Variants in GPATCH8 observed in about 807,000 individuals in gnomAD.
GPATCH8 encodes G patch domain-containing protein 8.
Under a neutral mutation model 118.3 loss-of-function variants are expected in GPATCH8, and 18 were observed. The ratio of observed to expected loss-of-function variants is 0.15; its 90% CI spans 0.11 to 0.23. The LOEUF (loss-of-function observed/expected upper bound fraction) is 0.23, where lower values mean the gene tolerates loss of function less well. Among genes scored for constraint, GPATCH8 ranks in the 10% least tolerant of loss-of-function variants. The pLI, the probability that GPATCH8 is intolerant of heterozygous loss-of-function variation, is 1.00. For missense variants in GPATCH8, 1,631 were observed against 1,873.8 expected (o/e 0.87, Z 2.39); for synonymous variants, 659 against 684.7 (o/e 0.96, Z 0.59).
At chr17:44,472,346 C>T (rs1475360489) in intron 2 of GPATCH8, among the ~76,000 whole-genome samples, 2 of 152,108 alleles carry the variant, frequency 1.3e-5, no homozygotes, top group Non-Finnish European at 2.9e-5. Context: ...ATACTGTTCT[C>T]GCTATATGTG....
chr17:44,472,581 T>C (rs1395515714), intron 2 of GPATCH8, among the ~76,000 whole-genome samples: 2 of 152,228 alleles, frequency 1.3e-5, no homozygotes, highest in African/African-American at 4.8e-5. Flanking sequence ...CACAGAATTA[T>C]AGCTTGTGTA....
At chr17:44,483,176 A>AAAAATATATATATAT (rs1555646771) in intron 1 of GPATCH8, among the ~76,000 whole-genome samples, 1 of 12,950 alleles carries the variant, frequency 7.7e-5, no homozygotes, top group Non-Finnish European at 1.4e-4. Flanking sequence ...AAAAAAAAAA[A>AAAAATATATATATAT]ATATATATAT....
At chr17:44,500,476 C>G (rs1372256856) in intron 1 of GPATCH8, among the ~76,000 whole-genome samples, 1 of 152,228 alleles carries the variant, frequency 6.6e-6, no homozygotes, top group Non-Finnish European at 1.5e-5. Flanking sequence ...TGGCATACCA[C>G]TGTTAACTAT....
At chr17:44,492,340 G>T (rs1969313857) in intron 1 of GPATCH8, among the ~76,000 whole-genome samples, 1 of 149,442 alleles carries the variant, frequency 6.7e-6, no homozygotes, top group South Asian at 2.1e-4. Context: ...CACTTTGGGA[G>T]GCCGAGGCGG....
chr17:44,412,715 T>C (rs1409970268), intron 6 of GPATCH8, among the ~76,000 whole-genome samples: 2 of 152,196 alleles, frequency 1.3e-5, no homozygotes, highest in Non-Finnish European at 2.9e-5. Context: ...TAAAAAAAGA[T>C]GTGTTGTATC....
In GPATCH8 at chr17:44,409,432, C is replaced by T. The variant is rs1437852055; in HGVS notation, c.493-3381G>A. The T allele has an allele frequency of 2.6e-5, 4 of 152,228 alleles. No individual in the cohort carries two copies. The East Asian group carries it at 7.7e-4, about 29-fold the overall frequency. 9.4% of individuals were successfully genotyped at this position (152,228 alleles called of 1,614,324 possible). On this transcript the variant is annotated intron_variant, in intron 6 of 7. Coordinates refer to ENST00000591680, the MANE Select transcript of GPATCH8 (RefSeq NM_001002909.4). ...CCTAACTCCAAGTGTCTCCTGCCTACTCAAGGTCAGACTAAATTCTTACAA... is the reference window on the plus strand; with the variant it reads ...CCTAACTCCAAGTGTCTCCTGCCTATTCAAGGTCAGACTAAATTCTTACAA...
rs970789715 is a variant in GPATCH8, at chr17:44,400,727, T to G, written c.1350A>C (p.Ala450=). 17 of 1,612,322 alleles carry G rather than the reference T, an allele frequency of 1.1e-5. No homozygotes were observed. Among genetic ancestry groups the G allele is most frequent in the African/African-American group, 8.0e-5 (6 of 74,794 alleles). The change falls in exon 8 of 8, where the codon GCA becomes GCC. Residue 450 remains alanine (A), a synonymous_variant. Transcript: ENST00000591680. ...PKPKSCIKAA[A]SQGAEKTVSE... Reference sequence around the variant, plus strand: ...TAACTGTCTTTTCTGCTCCTTGGCTTGCTGCCGCCTTGATGCAGCTTTTAG... The same window carrying G: ...TAACTGTCTTTTCTGCTCCTTGGCTGGCTGCCGCCTTGATGCAGCTTTTAG...
At chr17:44,493,561 G>C (rs536418966) in intron 1 of GPATCH8, among the ~76,000 whole-genome samples, 2 of 152,166 alleles carry the variant, frequency 1.3e-5, no homozygotes, top group South Asian at 4.2e-4. Flanking sequence ...CTTGAAGAGA[G>C]GCCAATCTAT....
In GPATCH8 at chr17:44,423,588, A is replaced by C. The variant is rs2049989967; in HGVS notation, c.492+761T>G. ...TATTGTACCCCCCAAAAACCTAGTA[A>C]GTTATGTTAAAGTCACCCAAGATCA... On this transcript the variant is annotated intron_variant, in intron 6 of 7. Coordinates refer to ENST00000591680, the MANE Select transcript of GPATCH8 (RefSeq NM_001002909.4). Among the ~76,000 whole-genome samples the C allele has an allele frequency of 2.0e-5, 3 of 152,194 alleles. No individual in the cohort carries two copies. The South Asian group carries it at 6.2e-4, about 32-fold the overall frequency.
intron 7 of GPATCH8, among the ~76,000 whole-genome samples, chr17:44,403,551 C>T (rs1045366081): frequency 2.6e-5 from 4 of 152,094 alleles, no homozygotes; most frequent in Non-Finnish European, 4.4e-5. Flanking sequence ...CACTATACAG[C>T]GTACACTATA....
chr17:44,452,715 G>A (rs970463976), intron 3 of GPATCH8, among the ~76,000 whole-genome samples: 3 of 152,092 alleles, frequency 2.0e-5, no homozygotes, highest in African/African-American at 4.8e-5. Flanking sequence ...AAGAGATTTC[G>A]ATGGCAAATC....
chr17:44,397,482 A>T lies in GPATCH8; in HGVS notation c.*86T>A. ...TCAGACACTGCCCATCCCAGCTTCT[A>T]CTTGCTGGTATTAATGGCTCAACAC... On this transcript the variant is annotated 3_prime_UTR_variant, in exon 8 of 8. Coordinates refer to ENST00000591680, the MANE Select transcript of GPATCH8 (RefSeq NM_001002909.4). The T allele has an allele frequency of 1.1e-6, 1 of 923,414 alleles. No homozygotes were observed. Among genetic ancestry groups the T allele is most frequent in the Non-Finnish European group, 1.8e-6 (1 of 560,254 alleles). The allele number at this position is 923,414 out of a possible 1,614,324, so 57.2% of individuals were successfully genotyped here.
Position 44,396,486 on chromosome 17 carries a change from T to C in GPATCH8, c.*1082A>G. 1 of 454,278 alleles carries C rather than the reference T, an allele frequency of 2.2e-6. No homozygotes were observed. Among genetic ancestry groups the C allele is most frequent in the African/African-American group, 2.0e-5 (1 of 50,134 alleles). The allele number at this position is 454,278 out of a possible 1,614,324, so 28.1% of individuals were successfully genotyped here. On this transcript the variant is annotated 3_prime_UTR_variant, in exon 8 of 8. Transcript: ENST00000591680. ...TCCCAGCAAAAAATGTTTTAACATT[T>C]TATAGTTCATAACTTCAAAAAATAC...
chr17:44,409,168 A>T (rs1340305594), intron 6 of GPATCH8: 1 of 152,176 alleles, frequency 6.6e-6, no homozygotes, highest in African/African-American at 2.4e-5. Flanking sequence ...TTCCGACCTG[A>T]ACCAGTTCAC....
rs767247107 is a variant in GPATCH8, at chr17:44,399,008, C to T, written c.3069G>A (p.Arg1023=). 1.2e-6 allele frequency: 2 copies of T among 1,613,980 alleles called. No homozygotes were observed. Among genetic ancestry groups the T allele is most frequent in the Non-Finnish European group, 1.7e-6 (2 of 1,179,934 alleles). Residue 1023 remains arginine (R), a synonymous_variant, in exon 8 of 8, where the codon CGG becomes CGA. Coordinates refer to ENST00000591680, the MANE Select transcript of GPATCH8 (RefSeq NM_001002909.4). ...ESPEERHSGR[R]DFIRSKIYRS... is the part of the protein sequence containing the mutation. ...GGTAGATCTTAGAACGAATGAAGTC[C>T]CGACGCCCAGAATGCCTCTCCTCAG... is the stretch of plus-strand genomic sequence containing the variant.
chr17:44,397,657 C>T lies in GPATCH8; in HGVS notation c.4420G>A (p.Ala1474Thr), dbSNP rs2048826424. The T allele has an allele frequency of 1.2e-6, 2 of 1,613,310 alleles. No individual in the cohort carries two copies. The highest frequency in any genetic ancestry group is 2.2e-5 in the East Asian group (1 of 44,872). ...TGAAGGTGAAGTGCAGTGGCAGCTGCTGCAGCAGGCCGTGGAGCAAGTAGG... is the reference window on the plus strand; with the variant it reads ...TGAAGGTGAAGTGCAGTGGCAGCTGTTGCAGCAGGCCGTGGAGCAAGTAGG... ...PTLLAPRPAA[A>T]AATALHLHPL... The change falls in exon 8 of 8, where the codon GCA (alanine) becomes ACA (threonine). Residue 1474 changes from alanine to threonine, a missense_variant. Ala to Thr is a moderately conservative substitution (Grantham distance 58). Transcript: ENST00000591680.
At chr17:44,439,549 T>C (rs1262570532) in intron 3 of GPATCH8, among the ~76,000 whole-genome samples, 1 of 152,104 alleles carries the variant, frequency 6.6e-6, no homozygotes, top group East Asian at 1.9e-4. Flanking sequence ...AAAGAGGCTA[T>C]AGACCAAGGA....
At chr17:44,429,480 T>C (rs539107677) in intron 5 of GPATCH8, among the ~76,000 whole-genome samples, 65 of 152,198 alleles carry the variant, frequency 4.3e-4, no homozygotes, top group African/African-American at 1.5e-3. Flanking sequence ...TATATATATA[T>C]ACAAGAAAAC....
Position 44,481,957 on chromosome 17 carries a change from G to A in GPATCH8, c.46-7054C>T, listed in dbSNP as rs557453515. Among the ~76,000 whole-genome samples the A allele has an allele frequency of 5.9e-5, 9 of 151,878 alleles. No homozygotes were observed. The South Asian group carries it at 1.2e-3, about 21-fold the overall frequency. On this transcript the variant is annotated intron_variant, in intron 1 of 7. Coordinates refer to ENST00000591680, the MANE Select transcript of GPATCH8 (RefSeq NM_001002909.4). ...GCCAACATGGAGAAACCCCATCTCTGCTAAAAATAGAAAAATTAGCCGGGT... is the reference window on the plus strand; with the variant it reads ...GCCAACATGGAGAAACCCCATCTCTACTAAAAATAGAAAAATTAGCCGGGT...
Sources: allele counts gnomAD v4.1 joint callset (sites outside exome capture counted in the v4.1 genomes callset), GRCh38; gene constraint gnomAD v4.1.1; transcripts MANE v1.5; gene names NCBI Gene and HGNC (gene_info 2026-07-23, HGNC 2026-07-21).